The following PDE4D variants were observed in gnomAD, a reference collection of about 807,000 sequenced individuals.
The protein encoded by PDE4D is phosphodiesterase 4D.
Under a neutral mutation model 87.4 loss-of-function variants are expected in PDE4D, and 24 were observed. That is an observed-to-expected ratio of 0.27 (90% CI 0.20 to 0.39). The LOEUF (loss-of-function observed/expected upper bound fraction) is 0.39. Among genes scored for constraint, PDE4D ranks in the 10% least tolerant of loss-of-function variants. PDE4D has a pLI of 1.00. For synonymous variants in PDE4D, 384 were observed against 383.2 expected, an observed-to-expected ratio of 1.00 and a Z score of -0.02; for missense variants, 714 against 1,041.0, an observed-to-expected ratio of 0.69 and a Z score of 4.32.
intron 1 of PDE4D, among the ~76,000 whole-genome samples, chr5:59,415,236 A>C (rs2153623381): frequency 6.6e-6 from 1 of 152,308 alleles, no homozygotes; most frequent in Non-Finnish European, 1.5e-5. Flanking sequence ...TTCTGAGTTT[A>C]AGTGGAAAAA....
At chr5:59,920,301 C>T (rs1754526498) in intron 3 of PDE4D, among the ~76,000 whole-genome samples, 1 of 152,136 alleles carries the variant, frequency 6.6e-6, no homozygotes, top group Non-Finnish European at 1.5e-5. Flanking sequence ...CTTATCTCTG[C>T]CATTTCCAAG....
chr5:59,038,146 C>T (rs983022721), intron 6 of PDE4D, among the ~76,000 whole-genome samples: 55 of 152,280 alleles, frequency 3.6e-4, no homozygotes, highest in African/African-American at 1.3e-3. Flanking sequence ...CCTTGCCTTC[C>T]GTGCTATTTT....
At chr5:60,048,388 G>A (rs1251589925) in intron 2 of PDE4D, among the ~76,000 whole-genome samples, 2 of 151,902 alleles carry the variant, frequency 1.3e-5, no homozygotes, top group Non-Finnish European at 2.9e-5. Flanking sequence ...ATTGTTATGT[G>A]TGAATTTGGT....
intron 2 of PDE4D, among the ~76,000 whole-genome samples, chr5:60,126,195 T>C (rs560846259): frequency 1.6e-4 from 23 of 147,618 alleles, no homozygotes; most frequent in Non-Finnish European, 2.7e-4. Context: ...ACATTTAGAG[T>C]TTTGCTAAAA....
chr5:59,728,079 G>A (rs1248116346), intron 1 of PDE4D, among the ~76,000 whole-genome samples: 1 of 151,928 alleles, frequency 6.6e-6, no homozygotes, highest in Non-Finnish European at 1.5e-5. Flanking sequence ...CAGTTTTGTA[G>A]GTCTTATTTT....
At chr5:59,768,746 A>T in intron 1 of PDE4D, 1 of 958,264 alleles carries the variant, frequency 1.0e-6, no homozygotes, top group Non-Finnish European at 1.5e-6. Context: ...AAGATCACTG[A>T]CAAGCTCGCA....
chr5:59,221,549 C>T (rs1752571749), intron 1 of PDE4D, among the ~76,000 whole-genome samples: 1 of 152,044 alleles, frequency 6.6e-6, no homozygotes, highest in Non-Finnish European at 1.5e-5. Flanking sequence ...GGAGGATCAC[C>T]TGAACTAAGG....
intron 6 of PDE4D, among the ~76,000 whole-genome samples, chr5:58,994,060 G>A (rs1748579420): frequency 6.6e-6 from 1 of 152,062 alleles, no homozygotes; most frequent in African/African-American, 2.4e-5. Flanking sequence ...ACTCTTCCAG[G>A]ACTATGGAGA....
At chr5:59,911,531 A>C (rs1036043776) in intron 3 of PDE4D, among the ~76,000 whole-genome samples, 13 of 152,214 alleles carry the variant, frequency 8.5e-5, no homozygotes, top group African/African-American at 1.9e-4. Context: ...AGTAATAATA[A>C]GACTCTGGTC....
At chr5:60,170,362 C>A (rs867968232) in intron 2 of PDE4D, among the ~76,000 whole-genome samples, 2 of 151,672 alleles carry the variant, frequency 1.3e-5, no homozygotes, top group Non-Finnish European at 2.9e-5. Context: ...CTACATAATT[C>A]CAAGGATACA....
Position 59,248,686 on chromosome 5 carries a change from T to C in PDE4D, c.456-32718A>G, listed in dbSNP as rs532543656. Among the ~76,000 whole-genome samples, 33 of 152,178 alleles carry C rather than the reference T, an allele frequency of 2.2e-4. 1 individual carries two copies. Among genetic ancestry groups the C allele is most frequent in the Non-Finnish European group, 1.0e-4 (7 of 68,026 alleles). ...GAGTTCTTTTTTTTCTACTTGTTTC[T>C]ATTGAGATGTTATTTGTAAAATGTA... is the stretch of plus-strand genomic sequence containing the variant. On this transcript the variant is annotated intron_variant, in intron 1 of 14. Transcript: ENST00000340635.
At chr5:59,492,837 A>G (rs1806462591) in intron 1 of PDE4D, among the ~76,000 whole-genome samples, 1 of 152,158 alleles carries the variant, frequency 6.6e-6, no homozygotes, top group South Asian at 2.1e-4. Context: ...TAAGTCTCAC[A>G]AGATCTGATG....
chr5:60,139,622 C>T (rs6449456), intron 2 of PDE4D, among the ~76,000 whole-genome samples: 104,096 of 151,706 alleles, frequency 0.69, 36,258 homozygotes, highest in African/African-American at 0.72. Context: ...CATGTAAGCA[C>T]GTGAGCAATA....
chr5:59,144,767 C>T (rs887795966), intron 5 of PDE4D, among the ~76,000 whole-genome samples: 1 of 151,752 alleles, frequency 6.6e-6, no homozygotes, highest in South Asian at 2.1e-4. Context: ...TAAAAGGTTA[C>T]ATATAAATCA....
At chr5:60,442,381 G>A (rs1745299891) in intron 1 of PDE4D, among the ~76,000 whole-genome samples, 1 of 152,078 alleles carries the variant, frequency 6.6e-6, no homozygotes, top group African/African-American at 2.4e-5. Flanking sequence ...ATAAGTGGGA[G>A]TTGAACGATG....
At chr5:59,808,442 T>A (rs1767980451) in intron 1 of PDE4D, among the ~76,000 whole-genome samples, 2 of 152,298 alleles carry the variant, frequency 1.3e-5, no homozygotes, top group South Asian at 2.1e-4. Flanking sequence ...AGCTCTTTGA[T>A]TTCTCCTGGT....
At chr5:59,892,350 T>A (rs79977582) in intron 1 of PDE4D, among the ~76,000 whole-genome samples, 4,245 of 152,220 alleles carry the variant, frequency 0.028, 90 homozygotes, top group Non-Finnish European at 0.043. Flanking sequence ...ATCACTATAA[T>A]CAAATCTCTA....
chr5:59,389,256 G>A (rs1787747082), intron 1 of PDE4D, among the ~76,000 whole-genome samples: 3 of 151,912 alleles, frequency 2.0e-5, no homozygotes, highest in African/African-American at 7.2e-5. Context: ...TGAAAAGTAT[G>A]TCATGTTTAT....
At chr5:59,119,134 C>T (rs1299416272) in intron 5 of PDE4D, among the ~76,000 whole-genome samples, 1 of 152,114 alleles carries the variant, frequency 6.6e-6, no homozygotes, top group Admixed American at 6.6e-5. Flanking sequence ...CTTCCTGCCT[C>T]CTTTAAGGTT....
Sources: allele counts gnomAD v4.1 joint callset (sites outside exome capture counted in the v4.1 genomes callset), GRCh38; gene constraint gnomAD v4.1.1; transcripts MANE v1.5; gene names NCBI Gene and HGNC (gene_info 2026-07-23, HGNC 2026-07-21).